NRXN3: variants seen among roughly 807,000 people sequenced by gnomAD.
NRXN3 encodes neurexin III.
NRXN3 carries 32 observed loss-of-function variants against 137.6 expected under a neutral mutation model. The observed-to-expected ratio is 0.23, with a 90% confidence interval of 0.18 to 0.31. The LOEUF is 0.31. Among genes scored for constraint, NRXN3 ranks in the 10% least tolerant of loss-of-function variants. The pLI is 1.00. For synonymous variants in NRXN3, 798 were observed against 784.5 expected, an observed-to-expected ratio of 1.02 and a Z score of -0.29; for missense variants, 1,574 against 2,062.5, an observed-to-expected ratio of 0.76 and a Z score of 4.59.
chr14:78,182,170 G>A (rs1160671608), intron 1 of NRXN3, among the ~76,000 whole-genome samples: 1 of 152,150 alleles, frequency 6.6e-6, no homozygotes, highest in South Asian at 2.1e-4. Flanking sequence ...TGCAGGCCCT[G>A]CTGCAAGGGC....
chr14:78,377,037 A>G (rs1270894740), intron 4 of NRXN3, among the ~76,000 whole-genome samples: 1 of 152,222 alleles, frequency 6.6e-6, no homozygotes, highest in Non-Finnish European at 1.5e-5. Flanking sequence ...AAGAACAGAG[A>G]AAATAAAAGA....
chr14:78,179,834 G>GTTTTTTTTTTTTTTTTTTTTTCTTT (rs1325344906), intron 1 of NRXN3, among the ~76,000 whole-genome samples: 1 of 111,394 alleles, frequency 9.0e-6, no homozygotes, highest in Non-Finnish European at 1.9e-5. Context: ...GTTTGTTTCT[G>GTTTTTTTTTTTTTTTTTTTTTCTTT]TTTTTTTGTT....
At chr14:78,244,734 C>T (rs2067436751) in intron 2 of NRXN3, among the ~76,000 whole-genome samples, 1 of 152,208 alleles carries the variant, frequency 6.6e-6, no homozygotes, top group South Asian at 2.1e-4. Flanking sequence ...AGATGTGGTT[C>T]CCTTTCCCAT....
chr14:78,661,723 C>T (rs2097843289), intron 6 of NRXN3, among the ~76,000 whole-genome samples: 1 of 152,222 alleles, frequency 6.6e-6, no homozygotes, highest in Non-Finnish European at 1.5e-5. Flanking sequence ...TAACTCTACT[C>T]CCAGTAGCTG....
chr14:78,922,427 A>G (rs964537890), intron 10 of NRXN3, among the ~76,000 whole-genome samples: 1 of 152,224 alleles, frequency 6.6e-6, no homozygotes, highest in Non-Finnish European at 1.5e-5. Flanking sequence ...GTAAGGTCAC[A>G]AAACAGAAAA....
intron 16 of NRXN3, among the ~76,000 whole-genome samples, chr14:79,566,744 G>T (rs77941487): frequency 6.6e-6 from 1 of 151,628 alleles, no homozygotes; most frequent in African/African-American, 2.4e-5. Context: ...TACCTCCTCC[G>T]ATACAAAAAA....
At chr14:79,711,492 T>C (rs1267342631) in intron 19 of NRXN3, among the ~76,000 whole-genome samples, 3 of 151,760 alleles carry the variant, frequency 2.0e-5, no homozygotes, top group Admixed American at 1.3e-4. Context: ...CTTATTTATA[T>C]ATTTATTTAT....
At chr14:78,425,699 T>C (rs68180395) in intron 4 of NRXN3, among the ~76,000 whole-genome samples, 15,431 of 152,150 alleles carry the variant, frequency 0.1, 1,053 homozygotes, top group African/African-American at 0.17. Flanking sequence ...GAAGCAGCCC[T>C]CAGAATAATA....
chr14:78,600,054 A>G (rs1311285336), intron 4 of NRXN3, among the ~76,000 whole-genome samples: 1 of 152,196 alleles, frequency 6.6e-6, no homozygotes, highest in Non-Finnish European at 1.5e-5. Context: ...CCTTAGACAC[A>G]TAAGAGAGGG....
At chr14:79,503,163 T>G (rs914630540) in intron 16 of NRXN3, among the ~76,000 whole-genome samples, 5 of 152,186 alleles carry the variant, frequency 3.3e-5, no homozygotes, top group African/African-American at 1.2e-4. Context: ...TCCCTCTGTG[T>G]TTTATTATAT....
At position 78,201,170 on chromosome 14, in the gene NRXN3, C is replaced by T. The variant is rs192869838; in HGVS notation, c.-704+30496C>T. ...GACCATCTGGAAGAATCTCTCAGGG[C>T]ACTGAAGACTCTGGACCCTGATTTC... On this transcript the variant is annotated intron_variant, in intron 1 of 20. Coordinates refer to ENST00000335750, the MANE Select transcript of NRXN3 (RefSeq NM_001330195.2). Among the ~76,000 whole-genome samples the T allele has an allele frequency of 1.6e-3, 250 of 152,322 alleles. 2 individuals are homozygous for T. Among genetic ancestry groups the T allele is most frequent in the Non-Finnish European group, 2.7e-3 (186 of 68,028 alleles).
At chr14:78,244,708 C>A (rs1259852947) in intron 2 of NRXN3, among the ~76,000 whole-genome samples, 1 of 152,208 alleles carries the variant, frequency 6.6e-6, no homozygotes, top group Non-Finnish European at 1.5e-5. Context: ...GGATTTCTCA[C>A]ATGAGGTACC....
intron 15 of NRXN3, among the ~76,000 whole-genome samples, chr14:79,455,583 A>G (rs2096247514): frequency 6.6e-6 from 1 of 152,088 alleles, no homozygotes; most frequent in African/African-American, 2.4e-5. Context: ...GAGTTTTTCT[A>G]CTTTTTCTTA....
chr14:79,836,466 G>GGA (rs1555781876), intron 20 of NRXN3, among the ~76,000 whole-genome samples: 85 of 151,930 alleles, frequency 5.6e-4, no homozygotes, highest in African/African-American at 2.0e-3. Flanking sequence ...CACTATTCTG[G>GGA]AAAAAAAATA....
intron 15 of NRXN3, among the ~76,000 whole-genome samples, chr14:79,191,906 T>A (rs1246810383): frequency 6.6e-6 from 1 of 151,846 alleles, no homozygotes; most frequent in Non-Finnish European, 1.5e-5. Context: ...TCTAAGAAAA[T>A]CTCAAATAGA....
At position 79,663,275 on chromosome 14, in the gene NRXN3, TAC is replaced by T. The variant is rs577843183; in HGVS notation, c.3445-493_3445-492del. On this transcript the variant is annotated intron_variant, in intron 16 of 20. Coordinates refer to ENST00000335750, the MANE Select transcript of NRXN3 (RefSeq NM_001330195.2). ...GTGTGTGTGTGTGTGTATATTTATA[TAC>T]ACACACACATATATCCAGCCCCTCT... 6.6e-5 allele frequency among the ~76,000 whole-genome samples: 10 copies of T among 151,892 alleles called. No individual in the cohort carries two copies. The East Asian group carries it at 1.2e-3, about 18-fold the overall frequency.
intron 1 of NRXN3, among the ~76,000 whole-genome samples, chr14:78,182,220 T>C (rs2059869708): frequency 6.6e-6 from 1 of 152,074 alleles, no homozygotes; most frequent in African/African-American, 2.4e-5. Context: ...CAATGGGTCT[T>C]GGAGAAGAGC....
chr14:78,928,295 C>T (rs763930394), intron 10 of NRXN3, among the ~76,000 whole-genome samples: 7 of 151,012 alleles, frequency 4.6e-5, no homozygotes, highest in Non-Finnish European at 2.9e-5. Flanking sequence ...GACTTCATTA[C>T]TTACAGGGAT....
intron 20 of NRXN3, among the ~76,000 whole-genome samples, chr14:79,813,909 A>G (rs1195782790): frequency 6.6e-6 from 1 of 152,254 alleles, no homozygotes; most frequent in Non-Finnish European, 1.5e-5. Flanking sequence ...TGGCATAAAA[A>G]GAATTTTATT....
Sources: allele counts gnomAD v4.1 joint callset (sites outside exome capture counted in the v4.1 genomes callset), GRCh38; gene constraint gnomAD v4.1.1; transcripts MANE v1.5; gene names NCBI Gene and HGNC (gene_info 2026-07-23, HGNC 2026-07-21).